MDN1: variants seen among roughly 807,000 people sequenced by gnomAD.
MDN1 encodes the protein midasin AAA ATPase 1, also known as midasin.
MDN1 carries 266 observed loss-of-function variants against 669.2 expected under a neutral mutation model. The ratio of observed to expected loss-of-function variants is 0.40; its 90% CI spans 0.36 to 0.44. The LOEUF is 0.44. Ranked by LOEUF, MDN1 falls within the 20% of genes least tolerant of loss-of-function variation. MDN1 has a pLI of 1.00. For missense variants in MDN1, 5,940 were observed against 6,754.0 expected, an observed-to-expected ratio of 0.88 and a Z score of 4.22; for synonymous variants, 2,385 against 2,457.1, an observed-to-expected ratio of 0.97 and a Z score of 0.87.
chr6:89,653,130 G>C lies in MDN1; in HGVS notation c.15687C>G (p.Ile5229Met). 1 of 1,613,064 alleles carries C rather than the reference G, an allele frequency of 6.2e-7. No individual in the cohort carries two copies. Among genetic ancestry groups the C allele is most frequent in the South Asian group, 1.1e-5 (1 of 90,800 alleles). ...GGTCTTCCTCTGTTTTAACAGTTTG[G>C]ATCTCCACTTCCATCTCATCAAAGC... ...PLGFDEMEVE[I>M]QTVKTEEDQD... Residue 5229 changes from isoleucine (I) to methionine (M), a missense_variant, in exon 94 of 102, where the codon ATC becomes ATG. Physicochemically the swap from Ile to Met is conservative, Grantham distance 10. Around this residue, in one of 5 missense-constraint regions of MDN1, gnomAD observed 2,280 missense variants for 2,576.3 expected, o/e 0.88. Coordinates refer to ENST00000369393, the MANE Select transcript of MDN1 (RefSeq NM_014611.3).
chr6:89,785,103 CA>C lies in MDN1; in HGVS notation c.1357del (p.Trp453GlyfsTer5). 6.2e-7 allele frequency: 1 copy of C among 1,613,674 alleles called. No homozygotes were observed. The highest frequency in any genetic ancestry group is 8.5e-7 in the Non-Finnish European group (1 of 1,179,666). On this transcript the variant is annotated frameshift_variant, in exon 9 of 102. Coordinates refer to ENST00000369393, the MANE Select transcript of MDN1 (RefSeq NM_014611.3). LOFTEE classifies it high-confidence loss of function. ...AGCATGACTGTTTAGCGGTCGATAC[CA>C]ATTTCCTCCACAGCTCAAGAGTCTA... ...TRRLLSCGGN[W>X]YRPLNSHATL...
At chr6:89,819,411 A>T in intron 1 of MDN1, 95 bp downstream of exon 1, 1 of 1,187,716 alleles carries the variant, frequency 8.4e-7, no homozygotes, top group Non-Finnish European at 1.2e-6. Context: ...ACCACTCCCC[A>T]CTTAAAGCGG....
Position 89,675,588 on chromosome 6 carries a change from A to C in MDN1, c.12646-9T>G. The C allele has an allele frequency of 6.2e-7, 1 of 1,611,656 alleles. No individual in the cohort carries two copies. Among genetic ancestry groups the C allele is most frequent in the Non-Finnish European group, 8.5e-7 (1 of 1,178,220 alleles). ...TTGCCCATGCCCATTTCCTGGCAGA[A>C]GAAGGAAAAACATGCTGAAGGGGCT... On this transcript the variant is annotated splice_polypyrimidine_tract_variant and intron_variant, in intron 77 of 101. Coordinates refer to ENST00000369393, the MANE Select transcript of MDN1 (RefSeq NM_014611.3).
At position 89,780,230 on chromosome 6, in the gene MDN1, T is replaced by A. The variant is rs777511671; in HGVS notation, c.1707A>T (p.Ser569=). Residue 569 remains serine, a synonymous_variant, in exon 11 of 102, where the codon TCA becomes TCT. Coordinates refer to ENST00000369393, the MANE Select transcript of MDN1 (RefSeq NM_014611.3). Reference sequence around the variant, plus strand: ...ATCTTACCTCTTGAAAAATATTTAATGATGCTGATAAAGATGAACTGTCAA... The same window carrying A: ...ATCTTACCTCTTGAAAAATATTTAAAGATGCTGATAAAGATGAACTGTCAA... ...HSFDSSSLSA[S]LNIFQEALDC... is the part of the protein sequence containing the mutation. 2 of 1,573,532 alleles carry A rather than the reference T, an allele frequency of 1.3e-6. No individual in the cohort carries two copies. Among genetic ancestry groups the A allele is most frequent in the African/African-American group, 2.7e-5 (2 of 72,940 alleles).
chr6:89,758,151 C>T (rs1270400445), intron 19 of MDN1, 104 bp downstream of exon 19: 9 of 845,422 alleles, frequency 1.1e-5, no homozygotes, highest in Middle Eastern at 2.4e-4. Flanking sequence ...CTGCTTGAAC[C>T]GGGGACTTGC....
intron 40 of MDN1, among the ~76,000 whole-genome samples, chr6:89,721,239 T>C (rs1814799103): frequency 6.6e-6 from 1 of 152,176 alleles, no homozygotes; most frequent in African/African-American, 2.4e-5. Context: ...TATGGACAGT[T>C]CTGTCCCAAA....
chr6:89,656,872 T>A, intron 90 of MDN1, 71 bp from the exon 91 acceptor site: 1 of 1,246,692 alleles, frequency 8.0e-7, no homozygotes, highest in Non-Finnish European at 1.2e-6. Flanking sequence ...TGTGCTGCAT[T>A]GAATACAACT....
intron 53 of MDN1, among the ~76,000 whole-genome samples, chr6:89,704,009 G>A (rs1357677119): frequency 4.9e-5 from 4 of 81,492 alleles, no homozygotes; most frequent in Non-Finnish European, 9.3e-5. Flanking sequence ...GAGAAACTCC[G>A]TCTCAAAAAA....
intron 44 of MDN1, among the ~76,000 whole-genome samples, chr6:89,716,378 TA>T (rs1814371371): frequency 6.6e-6 from 1 of 152,214 alleles, no homozygotes; most frequent in Admixed American, 6.5e-5. Context: ...TTAAAAGGCC[TA>T]ACTCAAAGGA....
At chr6:89,816,479 C>A (rs530769609) in intron 1 of MDN1, among the ~76,000 whole-genome samples, 71 of 151,842 alleles carry the variant, frequency 4.7e-4, no homozygotes, top group African/African-American at 1.7e-3. Flanking sequence ...AATCCCAGCA[C>A]TTTGGGAGGC....
In MDN1 at chr6:89,758,947, T is replaced by A. The variant is rs1817396953; in HGVS notation, c.2474A>T (p.Gln825Leu). ...LFAFVEGTLA[Q>L]AVKKGEWILL... The stretch of plus-strand genomic sequence containing the variant: ...GATCCACTCTCCTTTCTTTACAGCC[T>A]GAGCTAATGTACCCTAGAAAAAGAT... The change falls in exon 18 of 102, where the codon CAG (glutamine) becomes CTG (leucine). Residue 825 changes from glutamine (Q) to leucine (L), a missense_variant. Coordinates refer to ENST00000369393, the MANE Select transcript of MDN1 (RefSeq NM_014611.3). 6.2e-7 allele frequency: 1 copy of A among 1,613,678 alleles called. No individual in the cohort carries two copies. The highest frequency in any genetic ancestry group is 1.3e-5 in the African/African-American group (1 of 75,032).
chr6:89,702,985 G>C (rs1813258270), intron 53 of MDN1, among the ~76,000 whole-genome samples: 1 of 150,416 alleles, frequency 6.6e-6, no homozygotes, highest in African/African-American at 2.5e-5. Context: ...GCCAAGGCTA[G>C]AGTGCAATGG....
In MDN1 at chr6:89,661,399, C is replaced by T. The variant is rs763722045; in HGVS notation, c.14713+32G>A. On this transcript the variant is annotated intron_variant, in intron 88 of 101. Coordinates refer to ENST00000369393, the MANE Select transcript of MDN1 (RefSeq NM_014611.3). ...CAATTACTGTTCACTAATGTGAGTTCTAACCGGTCTCTTTGTTTCTGAAAG... is the reference window on the plus strand; with the variant it reads ...CAATTACTGTTCACTAATGTGAGTTTTAACCGGTCTCTTTGTTTCTGAAAG... 68 of 1,602,922 alleles carry T rather than the reference C, an allele frequency of 4.2e-5. No individual in the cohort carries two copies. The Admixed American group carries it at 1.1e-3, about 27-fold the overall frequency.
chr6:89,725,619 G>A (rs1050539622), intron 37 of MDN1, among the ~76,000 whole-genome samples: 2 of 152,132 alleles, frequency 1.3e-5, no homozygotes, highest in Non-Finnish European at 2.9e-5. Context: ...CACTCAGGCT[G>A]CAGTGCAGTG....
chr6:89,802,371 A>C lies in MDN1; in HGVS notation c.329+957T>G, dbSNP rs1347068130. Among the ~76,000 whole-genome samples the C allele has an allele frequency of 5.3e-5, 8 of 152,218 alleles. No homozygotes were observed. The South Asian group carries it at 6.2e-4, about 12-fold the overall frequency. ...TTTATTGCATTGATGAAGACTAATAAATAAAACACTGGATATAAGAAATGT... is the reference window on the plus strand; with the variant it reads ...TTTATTGCATTGATGAAGACTAATACATAAAACACTGGATATAAGAAATGT... On this transcript the variant is annotated intron_variant, in intron 2 of 101. Transcript: ENST00000369393.
At position 89,675,516 on chromosome 6, in the gene MDN1, C is replaced by T. The variant is rs139096101; in HGVS notation, c.12709G>A (p.Val4237Ile). 45 of 1,613,726 alleles carry T rather than the reference C, an allele frequency of 2.8e-5. No homozygotes were observed. The African/African-American group carries it at 3.5e-4, about 12-fold the overall frequency. ...GFSAHLMKML[V>I]RQRRSLTTLS... is the part of the protein sequence containing the mutation. ...GTGGTCAGGGAGCGCCGCTGTCGGACGAGCATCTTCATCAAATGTGCTGAG... is the reference window on the plus strand; with the variant it reads ...GTGGTCAGGGAGCGCCGCTGTCGGATGAGCATCTTCATCAAATGTGCTGAG... The change falls in exon 78 of 102, where the codon GTC becomes ATC. Residue 4237 changes from valine (V) to isoleucine (I), a missense_variant. By Grantham distance (29) the Val-to-Ile change is conservative. Around this residue, in one of 5 missense-constraint regions of MDN1, gnomAD observed 2,280 missense variants for 2,576.3 expected, o/e 0.88. Coordinates refer to ENST00000369393, the MANE Select transcript of MDN1 (RefSeq NM_014611.3).
intron 13 of MDN1, 27 bp downstream of exon 13, chr6:89,774,594 G>T: frequency 1.3e-6 from 2 of 1,540,474 alleles, no homozygotes; most frequent in Non-Finnish European, 1.8e-6. Flanking sequence ...CCCCACAGTT[G>T]GCAGCTTAGT....
In MDN1 at chr6:89,747,335, T is replaced by G. The variant is rs779810966; in HGVS notation, c.3898A>C (p.Asn1300His). The change falls in exon 27 of 102, where the codon AAT (asparagine) becomes CAT (histidine). Residue 1300 changes from asparagine (N) to histidine (H), a missense_variant. This residue lies in a region of MDN1 where 2,292 missense variants were observed against 2,638.3 expected (regional missense o/e 0.87). Transcript: ENST00000369393. ...CATTTGATTGAAAACACACCATCAT[T>G]GGCTAAATGCTGTAGCCAGTCATAC... Reference protein sequence around the residue: ...KEYDWLQHLANDGYMLLAGRV... With the variant: ...KEYDWLQHLAHDGYMLLAGRV... 1.9e-6 allele frequency: 3 copies of G among 1,612,852 alleles called. No individual in the cohort carries two copies. The South Asian group carries it at 3.3e-5, about 18-fold the overall frequency.
At chr6:89,727,988 T>C (rs777837978) in intron 36 of MDN1, 33 bp from the exon 37 acceptor site, 17 of 1,579,334 alleles carry the variant, frequency 1.1e-5, no homozygotes, top group Non-Finnish European at 1.5e-5. Flanking sequence ...AAGAAGCCAT[T>C]ATTACTTTAA....
Sources: gnomAD v4.1 joint callset for allele counts (sites outside exome capture counted in the v4.1 genomes callset) on GRCh38, gnomAD v4.1.1 for gene constraint, gnomAD v4.1.1 regional missense constraint, MANE v1.5 for transcripts, NCBI Gene and HGNC (gene_info 2026-07-23, HGNC 2026-07-21) for gene names.